The following SUV39H2 variants were observed in gnomAD, a reference collection of about 807,000 sequenced individuals.
The protein encoded by SUV39H2 is SUV39H2 histone lysine methyltransferase.
Under a neutral mutation model 47.5 loss-of-function variants are expected in SUV39H2, and 10 were observed. That is an observed-to-expected ratio of 0.21 (90% CI 0.13 to 0.36). SUV39H2 has a LOEUF of 0.36. SUV39H2 is among the 10% of genes least tolerant of loss of function. The pLI, the probability that SUV39H2 is intolerant of heterozygous loss-of-function variation, is 1.00. For synonymous variants in SUV39H2, 159 were observed against 166.8 expected, an observed-to-expected ratio of 0.95 and a Z score of 0.36; for missense variants, 266 against 487.4, an observed-to-expected ratio of 0.55 and a Z score of 4.28.
intron 2 of SUV39H2, among the ~76,000 whole-genome samples, chr10:14,888,879 C>T (rs973869027): frequency 2.0e-5 from 3 of 152,020 alleles, no homozygotes; most frequent in Admixed American, 6.6e-5. Context: ...CTGAGGCAGG[C>T]GGATCACCTG....
intron 2 of SUV39H2, among the ~76,000 whole-genome samples, chr10:14,895,632 C>G (rs1588847108): frequency 6.6e-6 from 1 of 152,180 alleles, no homozygotes; most frequent in East Asian, 1.9e-4. Flanking sequence ...AATAGTTGCT[C>G]TTAGGTGGCT....
At position 14,903,770 on chromosome 10, in the gene SUV39H2, A is replaced by G. The variant is rs1834175594; in HGVS notation, c.*1258A>G. 6.6e-6 allele frequency: 1 copy of G among 152,116 alleles called. No homozygotes were observed. Among genetic ancestry groups the G allele is most frequent in the African/African-American group, 2.4e-5 (1 of 41,424 alleles). 9.4% of individuals were successfully genotyped at this position (152,116 alleles called of 1,614,324 possible). A position where few individuals can be genotyped will look rare whatever the true frequency, so the allele number is the denominator to read the frequency against. On this transcript the variant is annotated 3_prime_UTR_variant, in exon 6 of 6. Coordinates refer to ENST00000354919, the MANE Select transcript of SUV39H2 (RefSeq NM_001193424.2). ...GTTGTGAAAATGATAAATGCAGCAA[A>G]TCTAGCTTTCAGTATTCCTAATTTT... is the stretch of plus-strand genomic sequence containing the variant.
intron 2 of SUV39H2, among the ~76,000 whole-genome samples, chr10:14,892,670 C>T (rs988167374): frequency 3.3e-5 from 5 of 152,152 alleles, no homozygotes; most frequent in African/African-American, 1.2e-4. Flanking sequence ...CACATTACTG[C>T]TGCCTCTTCC....
chr10:14,893,250 G>A (rs1010096104), intron 2 of SUV39H2, among the ~76,000 whole-genome samples: 18 of 151,944 alleles, frequency 1.2e-4, no homozygotes, highest in Middle Eastern at 3.4e-3. Flanking sequence ...TGATCCGCCC[G>A]CCTCGGCCTC....
rs534725080 is a variant in SUV39H2, at chr10:14,878,900, C to T, written c.12C>T (p.Val4=). The change falls in exon 1 of 6, where the codon GTC becomes GTT. Residue 4 remains valine, a synonymous_variant. Transcript: ENST00000354919. ...GAAAGCTCTACAAGATGGCGGCGGT[C>T]GGGGCCGAGGCGCGAGGAGGTGAGG... The part of the protein sequence containing the change: MAA[V]GAEARGAWCV... 3.4e-6 allele frequency: 5 copies of T among 1,484,324 alleles called. No homozygotes were observed. The highest frequency in any genetic ancestry group is 1.7e-4 in the Middle Eastern group (1 of 5,736). 91.9% of individuals were successfully genotyped at this position (1,484,324 alleles called of 1,614,324 possible).
chr10:14,895,998 C>T (rs1461158453), intron 2 of SUV39H2, among the ~76,000 whole-genome samples: 1 of 150,706 alleles, frequency 6.6e-6, no homozygotes, highest in Non-Finnish European at 1.5e-5. Context: ...CGCTGGAGTG[C>T]AGTGGTGCAA....
chr10:14,885,171 C>T (rs1833166529), intron 2 of SUV39H2, among the ~76,000 whole-genome samples: 1 of 152,088 alleles, frequency 6.6e-6, no homozygotes, highest in Non-Finnish European at 1.5e-5. Flanking sequence ...ATGTGTTTGG[C>T]TCATTCAATC....
At chr10:14,902,160 CTAT>C (rs1834070573) in intron 5 of SUV39H2, among the ~76,000 whole-genome samples, 4 of 152,112 alleles carry the variant, frequency 2.6e-5, no homozygotes, top group Middle Eastern at 3.4e-3. Flanking sequence ...TAAAGTTTAC[CTAT>C]TATTAACCCA....
intron 3 of SUV39H2, chr10:14,899,205 A>G (rs982523934): frequency 4.3e-6 from 3 of 702,042 alleles, no homozygotes; most frequent in African/African-American, 3.5e-5. Flanking sequence ...CCTGTGATCC[A>G]GCTAGTCAGG....
At chr10:14,898,202 CTTTTTTTTTTTTTTT>C (rs919860514) in intron 3 of SUV39H2, 6 of 56,150 alleles carry the variant, frequency 1.1e-4, no homozygotes, top group South Asian at 5.8e-4. Flanking sequence ...AGTACTGTTT[CTTTTTTTTTTTTTTT>C]TTTTTTTTTT....
chr10:14,894,059 G>C (rs1471459669), intron 2 of SUV39H2, among the ~76,000 whole-genome samples: 2 of 152,186 alleles, frequency 1.3e-5, no homozygotes, highest in Non-Finnish European at 2.9e-5. Flanking sequence ...AGAATTAAGG[G>C]GAGTAGAAAA....
chr10:14,901,371 A>C (rs1750167237), intron 5 of SUV39H2, 109 bp downstream of exon 5: 1 of 1,418,028 alleles, frequency 7.1e-7, no homozygotes, highest in African/African-American at 1.4e-5. Context: ...TAAAGATGAA[A>C]AGTTGAGGCA....
At chr10:14,880,065 G>A (rs1832998460) in intron 1 of SUV39H2, 1 of 152,032 alleles carries the variant, frequency 6.6e-6, no homozygotes, top group African/African-American at 2.4e-5. Flanking sequence ...TTCCCTTAAT[G>A]AGGTCAGCTT....
chr10:14,894,530 G>A (rs1833502589), intron 2 of SUV39H2, among the ~76,000 whole-genome samples: 1 of 112,754 alleles, frequency 8.9e-6, no homozygotes, highest in Non-Finnish European at 1.7e-5. Flanking sequence ...ACCACGCCCG[G>A]CTAATTTTTT....
chr10:14,893,401 A>T (rs920390622), intron 2 of SUV39H2, among the ~76,000 whole-genome samples: 3 of 151,710 alleles, frequency 2.0e-5, no homozygotes, highest in African/African-American at 7.3e-5. Flanking sequence ...AAGTGGCTTT[A>T]AAAAAAAATT....
intron 2 of SUV39H2, among the ~76,000 whole-genome samples, chr10:14,883,857 C>G (rs1459507415): frequency 6.6e-6 from 1 of 152,188 alleles, no homozygotes; most frequent in Non-Finnish European, 1.5e-5. Flanking sequence ...ACCCTTCTAC[C>G]TCCAGCCGTA....
At chr10:14,899,822 T>G (rs747364188) in intron 4 of SUV39H2, 137 bp downstream of exon 4, 1 of 1,047,872 alleles carries the variant, frequency 9.5e-7, no homozygotes, top group Non-Finnish European at 1.3e-6. Flanking sequence ...GGAGGGCAGC[T>G]TCTGTTAAGT....
intron 4 of SUV39H2, among the ~76,000 whole-genome samples, chr10:14,899,979 A>G (rs1198145491): frequency 2.0e-5 from 3 of 152,226 alleles, no homozygotes; most frequent in South Asian, 4.1e-4. Context: ...TCATATTACA[A>G]TGAGCAGAGC....
intron 2 of SUV39H2, among the ~76,000 whole-genome samples, chr10:14,896,047 G>A (rs948381234): frequency 2.6e-5 from 4 of 151,788 alleles, no homozygotes; most frequent in South Asian, 4.2e-4. Context: ...AGTTTCAAGC[G>A]ATTCTCATGC....
Sources: allele counts gnomAD v4.1 joint callset (sites outside exome capture counted in the v4.1 genomes callset), GRCh38; gene constraint gnomAD v4.1.1; transcripts MANE v1.5; gene names NCBI Gene and HGNC (gene_info 2026-07-23, HGNC 2026-07-21).